Variants in NTN5 observed in about 807,000 individuals in gnomAD.
The protein encoded by NTN5 is netrin-5.
A neutral mutation model predicts 38.7 loss-of-function variants in NTN5; 42 were observed. The ratio of observed to expected loss-of-function variants is 1.08; its 90% CI spans 0.85 to 1.40. The LOEUF (loss-of-function observed/expected upper bound fraction) is 1.40, where lower values mean the gene tolerates loss of function less well. NTN5 is among the 40% of genes most tolerant of loss of function. The probability of loss-of-function intolerance (pLI) is 0.00; values close to 1 mark genes in which losing one functional copy is unlikely to be tolerated. For synonymous variants in NTN5, 329 were observed against 303.9 expected (o/e 1.08, Z -0.86); for missense variants, 658 against 716.5 (o/e 0.92, Z 0.93).
At chr19:48,669,643 T>C (rs1233875481) in intron 2 of NTN5, among the ~76,000 whole-genome samples, 6 of 54,214 alleles carry the variant, frequency 1.1e-4, no homozygotes, top group Non-Finnish European at 1.3e-4. Context: ...GTCATCACCA[T>C]CACCACCACC....
At chr19:48,663,966 CT>C in intron 4 of NTN5, 152 bp from the exon 5 acceptor site, 1 of 1,153,150 alleles carries the variant, frequency 8.7e-7, no homozygotes. Flanking sequence ...CCCAAGCCTC[CT>C]TTTCCTCAAG....
chr19:48,667,189 G>T, intron 2 of NTN5: 1 of 162,498 alleles, frequency 6.2e-6, no homozygotes, highest in Non-Finnish European at 1.4e-5. Context: ...TCTGACCCAA[G>T]GGTAATCGTT....
chr19:48,663,624 T>A, intron 5 of NTN5, 81 bp from the exon 6 acceptor site: 1 of 1,530,352 alleles, frequency 6.5e-7, no homozygotes, highest in Non-Finnish European at 9.0e-7. Flanking sequence ...CTCCGTTCCA[T>A]CTTGATGGCC....
In NTN5 at chr19:48,661,836, G is replaced by T; in HGVS notation, c.1311C>A (p.Gly437=). The T allele has an allele frequency of 7.5e-7, 1 of 1,332,090 alleles. No homozygotes were observed. Among genetic ancestry groups the T allele is most frequent in the South Asian group, 1.7e-5 (1 of 58,798 alleles). 82.5% of individuals were successfully genotyped at this position (1,332,090 alleles called of 1,614,324 possible). The change falls in exon 7 of 7, where the codon GGC becomes GGA. Residue 437 remains glycine, a synonymous_variant. Coordinates refer to ENST00000270235, the MANE Select transcript of NTN5 (RefSeq NM_145807.4). ...GGATGAGGCGCGTGGGGTCGGGGTC[G>T]CCCACGGCGCTGCCCAGCAGCAGGT... The part of the protein sequence containing the change: ...TDYLLLGSAV[G]DPDPTRLILD...
chr19:48,662,098 G>T lies in NTN5; in HGVS notation c.1106-57C>A, dbSNP rs575965831. The stretch of plus-strand genomic sequence containing the variant: ...TGGGGAGCTTCCAGGGTACCTCTGG[G>T]TCCCGTGGGGTCAGTCACAGTGGGC... On this transcript the variant is annotated intron_variant, in intron 6 of 6. Transcript: ENST00000270235. The T allele has an allele frequency of 7.4e-6, 10 of 1,355,134 alleles. No homozygotes were observed. The South Asian group carries it at 1.3e-4, about 17-fold the overall frequency. 83.9% of individuals were successfully genotyped at this position (1,355,134 alleles called of 1,614,324 possible). A position where few individuals can be genotyped will look rare whatever the true frequency, so the allele number is the denominator to read the frequency against.
At chr19:48,669,366 T>A (rs868163429) in intron 2 of NTN5, among the ~76,000 whole-genome samples, 1 of 4,302 alleles carries the variant, frequency 2.3e-4, no homozygotes, top group East Asian at 6.7e-3. Flanking sequence ...ACCACCACCA[T>A]CACCACCACC....
At chr19:48,663,413 C>A (rs763940663) in intron 6 of NTN5, 50 bp downstream of exon 6, 5 of 1,524,530 alleles carry the variant, frequency 3.3e-6, no homozygotes, top group South Asian at 2.2e-5. Flanking sequence ...TAGAAGCAGT[C>A]ATCAGAACCA....
intron 2 of NTN5, among the ~76,000 whole-genome samples, chr19:48,666,887 G>A (rs1400817881): frequency 6.6e-6 from 1 of 151,588 alleles, no homozygotes; most frequent in African/African-American, 2.4e-5. Flanking sequence ...GACTCATTAT[G>A]TCTCCCAGGC....
chr19:48,669,571 C>T (rs2031846966), intron 2 of NTN5, among the ~76,000 whole-genome samples: 2 of 24,328 alleles, frequency 8.2e-5, no homozygotes, highest in Non-Finnish European at 8.0e-5. Context: ...CCACCATCAC[C>T]ACCATCACCA....
intron 6 of NTN5, 40 bp from the exon 7 acceptor site, chr19:48,662,081 T>G (rs1197661227): frequency 7.1e-7 from 1 of 1,409,288 alleles, no homozygotes; most frequent in Non-Finnish European, 9.2e-7. Flanking sequence ...CGTGGGGAGC[T>G]TCCAGGGTAC....
chr19:48,670,870 C>A lies in NTN5; in HGVS notation c.117G>T (p.Val39=), dbSNP rs2031944241. The A allele has an allele frequency of 6.2e-7, 1 of 1,611,118 alleles. No homozygotes were observed. The highest frequency in any genetic ancestry group is 1.3e-5 in the African/African-American group (1 of 74,892). Residue 39 remains valine, a synonymous_variant, in exon 2 of 7, where the codon GTG becomes GTT. Coordinates refer to ENST00000270235, the MANE Select transcript of NTN5 (RefSeq NM_145807.4). ...CLPPVTQLAA[V]AASCPQACAL... is the part of the protein sequence containing the mutation. ...CACAGGCCTGAGGGCAGGAGGCCGC[C>A]ACGGCAGCCAGCTGTGTCACTGGCG...
intron 2 of NTN5, among the ~76,000 whole-genome samples, chr19:48,669,540 TCAC>T (rs1568452217): frequency 8.6e-4 from 7 of 8,168 alleles, no homozygotes; most frequent in Admixed American, 2.6e-3. Context: ...ACCACCACCA[TCAC>T]CACCACCACC....
Position 48,661,853 on chromosome 19 carries a change from G to C in NTN5, c.1294C>G (p.Leu432Val). The C allele has an allele frequency of 7.5e-7, 1 of 1,340,492 alleles. No individual in the cohort carries two copies. The highest frequency in any genetic ancestry group is 2.8e-4 in the Middle Eastern group (1 of 3,582). 83.0% of individuals were successfully genotyped at this position (1,340,492 alleles called of 1,614,324 possible). A position where few individuals can be genotyped will look rare whatever the true frequency, so the allele number is the denominator to read the frequency against. The part of the protein sequence containing the change: ...RLQPGTDYLL[L>V]GSAVGDPDPT... ...TCGGGGTCGCCCACGGCGCTGCCCA[G>C]CAGCAGGTAGTCGGTGCCTGGCTGC... Residue 432 changes from leucine (L) to valine (V), a missense_variant, in exon 7 of 7, where the codon CTG becomes GTG. Transcript: ENST00000270235.
Position 48,664,649 on chromosome 19 carries a change from G to A in NTN5, c.750C>T (p.His250=). The A allele has an allele frequency of 2.5e-6, 4 of 1,613,316 alleles. No individual in the cohort carries two copies. Among genetic ancestry groups the A allele is most frequent in the Non-Finnish European group, 3.4e-6 (4 of 1,179,878 alleles). Reference sequence around the variant, plus strand: ...AGAACCCAGGTTGGCAGTAGTGGCAGTGCCGCCCAGCTGTGTGGTGGCGGC... The same window carrying A: ...AGAACCCAGGTTGGCAGTAGTGGCAATGCCGCCCAGCTGTGTGGTGGCGGC... The part of the protein sequence containing the change: ...ERCRHHTAGR[H]CHYCQPGFWR... Residue 250 remains histidine, a synonymous_variant, in exon 3 of 7, where the codon CAC becomes CAT. Coordinates refer to ENST00000270235, the MANE Select transcript of NTN5 (RefSeq NM_145807.4).
At chr19:48,665,529 A>G (rs1449368747) in intron 2 of NTN5, among the ~76,000 whole-genome samples, 1 of 151,584 alleles carries the variant, frequency 6.6e-6, no homozygotes, top group Non-Finnish European at 1.5e-5. Flanking sequence ...GCCTCTAAAG[A>G]GTAGGCTGCA....
chr19:48,663,899 C>G, intron 4 of NTN5, 85 bp from the exon 5 acceptor site: 1 of 1,373,476 alleles, frequency 7.3e-7, no homozygotes, highest in Non-Finnish European at 1.0e-6. Context: ...GGCACCCAAA[C>G]TCTTAAGTGT....
chr19:48,661,588 T>G lies in NTN5; in HGVS notation c.*89A>C. 7.4e-7 allele frequency: 1 copy of G among 1,345,848 alleles called. No homozygotes were observed. Among genetic ancestry groups the G allele is most frequent in the African/African-American group, 1.5e-5 (1 of 65,048 alleles). The allele number at this position is 1,345,848 out of a possible 1,614,324, so 83.4% of individuals were successfully genotyped here. A position where few individuals can be genotyped will look rare whatever the true frequency, so the allele number is the denominator to read the frequency against. On this transcript the variant is annotated 3_prime_UTR_variant, in exon 7 of 7. Coordinates refer to ENST00000270235, the MANE Select transcript of NTN5 (RefSeq NM_145807.4). The stretch of plus-strand genomic sequence containing the variant: ...CGGGGCTCTGCGACGTCTGATTGGC[T>G]CTCTGCAGTGCACCGTCGAGGTAGA...
In NTN5 at chr19:48,670,877, G is replaced by A; in HGVS notation, c.110C>T (p.Ala37Val). The A allele has an allele frequency of 6.2e-7, 1 of 1,610,864 alleles. No homozygotes were observed. Among genetic ancestry groups the A allele is most frequent in the Non-Finnish European group, 8.5e-7 (1 of 1,178,750 alleles). ...QFCLPPVTQL[A>V]AVAASCPQAC... ...CTGAGGGCAGGAGGCCGCCACGGCA[G>A]CCAGCTGTGTCACTGGCGGGAGGCA... The change falls in exon 2 of 7, where the codon GCT (alanine) becomes GTT (valine). Residue 37 changes from alanine to valine, a missense_variant. Physicochemically the swap from Ala to Val is moderately conservative, Grantham distance 64 (BLOSUM62 0). Transcript: ENST00000270235.
At chr19:48,664,083 G>T in intron 4 of NTN5, 60 bp downstream of exon 4, 2 of 1,529,284 alleles carry the variant, frequency 1.3e-6, no homozygotes, top group Non-Finnish European at 1.8e-6. Flanking sequence ...GTGCACTGGA[G>T]ACCTGGGATG....
Sources: allele counts gnomAD v4.1 joint callset (sites outside exome capture counted in the v4.1 genomes callset), GRCh38; gene constraint gnomAD v4.1.1; transcripts MANE v1.5; gene names NCBI Gene and HGNC (gene_info 2026-07-23, HGNC 2026-07-21).